COL11A2: variants seen among roughly 807,000 people sequenced by gnomAD.
COL11A2 encodes collagen type XI alpha 2 chain.
COL11A2 carries 116 observed loss-of-function variants against 273.4 expected under a neutral mutation model. The ratio of observed to expected loss-of-function variants is 0.42; its 90% confidence interval spans 0.36 to 0.49. COL11A2 has a LOEUF of 0.49. COL11A2 is among the 20% of genes least tolerant of loss of function. The probability of loss-of-function intolerance (pLI) is 0.00; values close to 1 mark genes in which losing one functional copy is unlikely to be tolerated. For synonymous variants in COL11A2, 782 were observed against 864.2 expected, an observed-to-expected ratio of 0.90 and a Z score of 1.67; for missense variants, 1,866 against 2,309.0, an observed-to-expected ratio of 0.81 and a Z score of 3.93.
In COL11A2 at chr6:33,167,444, C is replaced by T. The variant is rs1416716526; in HGVS notation, c.4104G>A (p.Arg1368=). Residue 1368 remains arginine, a synonymous_variant, in exon 56 of 66, where the codon AGG becomes AGA. Transcript: ENST00000341947. The surrounding 1 kb of genome is among the most constrained non-coding windows in gnomAD (Gnocchi z 6.1). ...PAGKPGPDGL[R]GLPGSVGQQG... is the part of the protein sequence containing the mutation. ...GACTCACCACTGAGCCTGGGAGCCC[C>T]CTCAGACCATCAGGGCCAGGTTTCC... The T allele has an allele frequency of 1.2e-6, 2 of 1,612,812 alleles. No homozygotes were observed. Among genetic ancestry groups the T allele is most frequent in the Admixed American group, 3.3e-5 (2 of 60,012 alleles).
Position 33,165,479 on chromosome 6 carries a change from G to T in COL11A2, c.4750+70C>A. The T allele has an allele frequency of 6.3e-7, 1 of 1,597,136 alleles. No individual in the cohort carries two copies. The highest frequency in any genetic ancestry group is 8.5e-7 in the Non-Finnish European group (1 of 1,176,326). On this transcript the variant is annotated intron_variant, in intron 63 of 65. Transcript: ENST00000341947. This position sits in a 1 kb window ranked among gnomAD's most constrained non-coding sequence, Gnocchi z 7.7. ...CAACACCTTCACCAAGACTCCCCCA[G>T]CATCCATTCTGCTTGTTCAGTACCC...
At chr6:33,180,411 T>C in intron 11 of COL11A2, 79 bp from the exon 12 acceptor site, 1 of 1,264,212 alleles carries the variant, frequency 7.9e-7, no homozygotes, top group Non-Finnish European at 1.1e-6. Context: ...TGAAATATCC[T>C]CTTCAACAGA....
At chr6:33,191,030 T>G (rs115904806) in intron 1 of COL11A2, among the ~76,000 whole-genome samples, 156 of 152,188 alleles carry the variant, frequency 1.0e-3, no homozygotes, top group Middle Eastern at 3.4e-3. Flanking sequence ...TCTCTAACCT[T>G]AGGAATTCTA....
In COL11A2 at chr6:33,179,423, T is replaced by G. The variant is rs1771407394; in HGVS notation, c.1503+8A>C. The G allele has an allele frequency of 6.4e-7, 1 of 1,569,416 alleles. No individual in the cohort carries two copies. The highest frequency in any genetic ancestry group is 1.9e-5 in the Admixed American group (1 of 52,910). On this transcript the variant is annotated splice_region_variant and intron_variant, in intron 14 of 65. Coordinates refer to ENST00000341947, the MANE Select transcript of COL11A2 (RefSeq NM_080680.3). This position sits in a 1 kb window ranked among gnomAD's most constrained non-coding sequence, Gnocchi z 6.4. ...AGCATCCTCCACCCGAGCACCCTGC[T>G]CACTCACCAAGGGTCCAGGGCGCCC...
Position 33,169,411 on chromosome 6 carries a change from G to C in COL11A2, c.3770C>G (p.Thr1257Arg). ...EPGPPGPKGP[T>R]GDDGPKGNPG... ...GTTCCCTTTGGGGCCATCATCGCCT[G>C]TGGGGCCTTTAGGCCCTGGTGGCCC... Residue 1257 changes from threonine to arginine, a missense_variant, in exon 51 of 66, where the codon ACA becomes AGA. Coordinates refer to ENST00000341947, the MANE Select transcript of COL11A2 (RefSeq NM_080680.3). This position sits in a 1 kb window ranked among gnomAD's most constrained non-coding sequence, Gnocchi z 5.5. 6.2e-7 allele frequency: 1 copy of C among 1,612,942 alleles called. No individual in the cohort carries two copies.
intron 43 of COL11A2, 65 bp from the exon 44 acceptor site, chr6:33,171,389 A>G: frequency 6.2e-7 from 1 of 1,611,446 alleles, no homozygotes; most frequent in Non-Finnish European, 8.5e-7. Flanking sequence ...GGATGACATG[A>G]CAGGGGCCAG....
At chr6:33,185,150 G>A in intron 6 of COL11A2, 96 bp from the exon 7 acceptor site, 1 of 901,014 alleles carries the variant, frequency 1.1e-6, no homozygotes, top group Non-Finnish European at 1.8e-6. Context: ...TCCCCCGAGG[G>A]CAGGGTCTGT....
In COL11A2 at chr6:33,163,087, G is replaced by C. The variant is rs1422408346; in HGVS notation, c.*591C>G. 1.3e-5 allele frequency: 2 copies of C among 157,020 alleles called. No homozygotes were observed. Among genetic ancestry groups the C allele is most frequent in the South Asian group, 2.0e-4 (1 of 5,046 alleles). The allele number at this position is 157,020 out of a possible 1,614,324, so 9.7% of individuals were successfully genotyped here. On this transcript the variant is annotated 3_prime_UTR_variant, in exon 66 of 66. Transcript: ENST00000341947. This position sits in a 1 kb window ranked among gnomAD's most constrained non-coding sequence, Gnocchi z 4.1. ...TGGGTTAGAGAGCCCCACCCTGGCA[G>C]AGTCAGAGCCCTGAGGCCAGGGAGA...
intron 8 of COL11A2, 65 bp from the exon 9 acceptor site, chr6:33,181,235 C>G: frequency 1.3e-6 from 2 of 1,516,948 alleles, no homozygotes; most frequent in Non-Finnish European, 1.8e-6. Flanking sequence ...AGGCCTTTCT[C>G]CATCTCAACT....
In COL11A2 at chr6:33,168,689, G is replaced by A. The variant is rs767884514; in HGVS notation, c.3906+17C>T. 11 of 1,589,772 alleles carry A rather than the reference G, an allele frequency of 6.9e-6. No individual in the cohort carries two copies. The highest frequency in any genetic ancestry group is 1.3e-5 in the African/African-American group (1 of 74,140). On this transcript the variant is annotated intron_variant, in intron 53 of 65. Coordinates refer to ENST00000341947, the MANE Select transcript of COL11A2 (RefSeq NM_080680.3). ...AGGCTTGGGCTCAGGGGGGTGGTGGGGTCACCAGGCACTCACAGGCTGTCC... is the reference window on the plus strand; with the variant it reads ...AGGCTTGGGCTCAGGGGGGTGGTGGAGTCACCAGGCACTCACAGGCTGTCC...
In COL11A2 at chr6:33,180,681, T is replaced by C; in HGVS notation, c.1271A>G (p.Asp424Gly). The C allele has an allele frequency of 6.2e-7, 1 of 1,609,254 alleles. No individual in the cohort carries two copies. Among genetic ancestry groups the C allele is most frequent in the Middle Eastern group, 1.7e-4 (1 of 6,032 alleles). The change falls in exon 11 of 66, where the codon GAC becomes GGC. Residue 424 changes from aspartate to glycine, a missense_variant. Coordinates refer to ENST00000341947, the MANE Select transcript of COL11A2 (RefSeq NM_080680.3). ...ACACCCCCTTACCCTCTCTCCAGGG[T>C]CTCCAACTGGGCCTGGGTTCCCCTG... ...GIQGNPGPVG[D>G]PGERGPPGRA...
Position 33,190,279 on chromosome 6 carries a change from G to C in COL11A2, c.83-810C>G, listed in dbSNP as rs1772960598. On this transcript the variant is annotated intron_variant, in intron 1 of 65. Transcript: ENST00000341947. The surrounding 1 kb of genome is among the most constrained non-coding windows in gnomAD (Gnocchi z 4.5). ...CAGGGCCCTGAGCCACACATCTGTG[G>C]ATCCCATCAGAGTGCTTGCCCAGAA... 6.6e-6 allele frequency among the ~76,000 whole-genome samples: 1 copy of C among 152,048 alleles called. No homozygotes were observed. The highest frequency in any genetic ancestry group is 2.4e-5 in the African/African-American group (1 of 41,382).
chr6:33,171,593 G>A lies in COL11A2; in HGVS notation c.3151-19C>T, dbSNP rs760978143. 8.7e-6 allele frequency: 14 copies of A among 1,611,368 alleles called. 1 individual carries two copies. Among genetic ancestry groups the A allele is most frequent in the South Asian group, 2.2e-5 (2 of 90,888 alleles). ...TCTCACCCTGTGGGACAGGAGGAAG[G>A]AGTCATGGCCTGGAGGTGACCCTCA... On this transcript the variant is annotated intron_variant, in intron 42 of 65. Coordinates refer to ENST00000341947, the MANE Select transcript of COL11A2 (RefSeq NM_080680.3).
At position 33,167,822 on chromosome 6, in the gene COL11A2, G is replaced by A. The variant is rs121912951; in HGVS notation, c.3991C>T (p.Arg1331Ter). Residue 1331 changes from arginine (R) to a stop codon, truncating the protein, a stop_gained, in exon 55 of 66, where the codon CGA becomes TGA. Transcript: ENST00000341947. LOFTEE classifies it high-confidence loss of function. This position sits in a 1 kb window ranked among gnomAD's most constrained non-coding sequence, Gnocchi z 6.1. ...GPAGSPGSEG[R>*]QGGKGAKGDP... ...ACCTTGGCTCCCTTCCCTCCTTGTC[G>A]CCCCTCGGAACCAGGCGAGCCAGCA... 1.1e-5 allele frequency: 18 copies of A among 1,612,622 alleles called. No homozygotes were observed. The highest frequency in any genetic ancestry group is 2.7e-5 in the African/African-American group (2 of 74,856).
rs769559573 is a variant in COL11A2 at position 33,179,085 on chromosome 6, C to T, written c.1599G>A (p.Lys533=). 2 of 1,613,876 alleles carry T rather than the reference C, an allele frequency of 1.2e-6. No homozygotes were observed. Among genetic ancestry groups the T allele is most frequent in the Non-Finnish European group, 1.7e-6 (2 of 1,179,816 alleles). Residue 533 remains lysine (K), a synonymous_variant, in exon 16 of 66, where the codon AAG becomes AAA. Transcript: ENST00000341947. The surrounding 1 kb of genome is among the most constrained non-coding windows in gnomAD (Gnocchi z 6.4). Reference sequence around the variant, plus strand: ...CTGGGGCACTCACCCTTCGCCCAGCCTTGCCAGGAGGGCCTGTGAGGCCCT... The same window carrying T: ...CTGGGGCACTCACCCTTCGCCCAGCTTTGCCAGGAGGGCCTGTGAGGCCCT... ...GPQGLTGPPG[K]AGRRGRAGAD...
chr6:33,172,208 A>AGG (rs1770193197), intron 40 of COL11A2, 81 bp downstream of exon 40: 1 of 1,266,464 alleles, frequency 7.9e-7, no homozygotes, highest in Admixed American at 1.9e-5. Context: ...AGTGACATGG[A>AGG]GGGGGTCAGG....
Position 33,177,473 on chromosome 6 carries a change from C to G in COL11A2, c.1918-8G>C, listed in dbSNP as rs758823643. The G allele has an allele frequency of 3.1e-6, 5 of 1,612,888 alleles. No individual in the cohort carries two copies. The highest frequency in any genetic ancestry group is 4.2e-6 in the Non-Finnish European group (5 of 1,179,946). The stretch of plus-strand genomic sequence containing the variant: ...TGGCTCTCCCTGGGGTCCCTAGAAA[C>G]AGGTGACCAGGCACAGGTCAGAAGG... On this transcript the variant is annotated splice_polypyrimidine_tract_variant and splice_region_variant and intron_variant, in intron 22 of 65. Coordinates refer to ENST00000341947, the MANE Select transcript of COL11A2 (RefSeq NM_080680.3). The surrounding 1 kb of genome is among the most constrained non-coding windows in gnomAD (Gnocchi z 5.9).
rs540429479 is a variant in COL11A2, at chr6:33,164,105, A to G, written c.5070+162T>C. Among the ~76,000 whole-genome samples, 13 of 151,736 alleles carry G rather than the reference A, an allele frequency of 8.6e-5. No individual in the cohort carries two copies. The highest frequency in any genetic ancestry group is 2.2e-4 in the African/African-American group (9 of 41,280). On this transcript the variant is annotated intron_variant, in intron 65 of 65. Coordinates refer to ENST00000341947, the MANE Select transcript of COL11A2 (RefSeq NM_080680.3). This position sits in a 1 kb window ranked among gnomAD's most constrained non-coding sequence, Gnocchi z 4.7. The stretch of plus-strand genomic sequence containing the variant: ...TCACCCGATGGCTTCCATCCTTTCC[A>G]CCTTCCTCACCGGCTTTTGAGCTCC...
chr6:33,181,021 T>A lies in COL11A2; in HGVS notation c.1180-16A>T. ...CGAGCATACCCTGTGGAGTCAAAGG[T>A]TAAAAATCAGAGGCGACAGGACCAG... On this transcript the variant is annotated splice_polypyrimidine_tract_variant and intron_variant, in intron 9 of 65. Transcript: ENST00000341947. 1.2e-6 allele frequency: 2 copies of A among 1,614,074 alleles called. No individual in the cohort carries two copies. Among genetic ancestry groups the A allele is most frequent in the Non-Finnish European group, 1.7e-6 (2 of 1,179,994 alleles).
Sources: allele counts gnomAD v4.1 joint callset (sites outside exome capture counted in the v4.1 genomes callset), GRCh38; gene constraint gnomAD v4.1.1; non-coding constraint Gnocchi (gnomAD v3.1); transcripts MANE v1.5; gene names NCBI Gene and HGNC (gene_info 2026-07-23, HGNC 2026-07-21).